Variants in CSMD3 observed in about 807,000 individuals in gnomAD.
The protein encoded by CSMD3 is CUB and sushi domain-containing protein 3.
A neutral mutation model predicts 435.2 loss-of-function variants in CSMD3; 177 were observed. That is an observed-to-expected ratio of 0.41 (90% CI 0.36 to 0.46). CSMD3 has a LOEUF of 0.46. CSMD3 is among the 20% of genes least tolerant of loss of function. The pLI, the probability that CSMD3 is intolerant of heterozygous loss-of-function variation, is 0.34. For missense variants in CSMD3, 4,265 were observed against 4,504.6 expected (o/e 0.95, Z 1.52); for synonymous variants, 1,656 against 1,520.5 (o/e 1.09, Z -2.07).
chr8:112,243,465 T>C (rs542107233), intron 65 of CSMD3, among the ~76,000 whole-genome samples: 1 of 152,226 alleles, frequency 6.6e-6, no homozygotes, highest in South Asian at 2.1e-4. Context: ...CTTTTCCAAA[T>C]GGAAATTGTC....
intron 32 of CSMD3, among the ~76,000 whole-genome samples, chr8:112,470,314 G>T (rs1818393012): frequency 6.6e-6 from 1 of 152,150 alleles, no homozygotes; most frequent in Non-Finnish European, 1.5e-5. Context: ...GGGGGTGGAA[G>T]AGGGGATAGG....
intron 7 of CSMD3, among the ~76,000 whole-genome samples, chr8:112,963,878 G>A (rs1564155380): frequency 6.6e-6 from 1 of 151,750 alleles, no homozygotes; most frequent in Non-Finnish European, 1.5e-5. Flanking sequence ...ATTAAACTAT[G>A]TATTTTTTCC....
chr8:112,671,612 C>T (rs1227131721), intron 16 of CSMD3, among the ~76,000 whole-genome samples: 2 of 152,112 alleles, frequency 1.3e-5, no homozygotes, highest in Non-Finnish European at 2.9e-5. Context: ...TTTTCTTTGA[C>T]ACACAGATGA....
At chr8:112,806,322 T>A (rs1213708280) in intron 12 of CSMD3, among the ~76,000 whole-genome samples, 1 of 152,188 alleles carries the variant, frequency 6.6e-6, no homozygotes, top group Non-Finnish European at 1.5e-5. Flanking sequence ...GAATTTTAAC[T>A]CAAAAGTTGG....
intron 32 of CSMD3, among the ~76,000 whole-genome samples, chr8:112,456,443 T>C (rs1156689774): frequency 1.3e-5 from 2 of 152,054 alleles, no homozygotes; most frequent in Non-Finnish European, 2.9e-5. Context: ...TTCTATGAAA[T>C]ACTATTAAGA....
chr8:113,154,560 C>T (rs2091895584), intron 4 of CSMD3, among the ~76,000 whole-genome samples: 1 of 151,952 alleles, frequency 6.6e-6, no homozygotes. Flanking sequence ...CAAAATCTTA[C>T]AGTAGAGCTG....
intron 10 of CSMD3, among the ~76,000 whole-genome samples, chr8:112,864,784 C>A (rs1369902321): frequency 6.6e-6 from 1 of 152,090 alleles, no homozygotes; most frequent in East Asian, 1.9e-4. Context: ...CATAAAAATG[C>A]TAACATCCTG....
chr8:112,414,128 G>T (rs1172008913), intron 32 of CSMD3, among the ~76,000 whole-genome samples: 3 of 152,030 alleles, frequency 2.0e-5, no homozygotes, highest in African/African-American at 7.2e-5. Context: ...TTTGAAGTTG[G>T]CTCAATCTCT....
At chr8:113,127,346 T>C (rs1175116393) in intron 4 of CSMD3, among the ~76,000 whole-genome samples, 1 of 152,010 alleles carries the variant, frequency 6.6e-6, no homozygotes, top group Non-Finnish European at 1.5e-5. Context: ...TTCTTCCACA[T>C]TCACCTCCTT....
intron 1 of CSMD3, among the ~76,000 whole-genome samples, chr8:113,327,398 T>TA (rs1563704374): frequency 6.6e-6 from 1 of 152,198 alleles, no homozygotes; most frequent in Non-Finnish European, 1.5e-5. Context: ...TTTCCAGAGC[T>TA]ATGGGATTTA....
rs79152912 is a variant in CSMD3, at chr8:112,987,590, C to T, written c.1031-11442G>A. 6.6e-5 allele frequency among the ~76,000 whole-genome samples: 10 copies of T among 152,184 alleles called. No homozygotes were observed. The East Asian group carries it at 1.7e-3, about 26-fold the overall frequency. ...CACTGAGTCACATAGCTATAACTGG[C>T]ACAGCTAAAAGATGGACCAAAATTG... On this transcript the variant is annotated intron_variant, in intron 6 of 70. Transcript: ENST00000297405.
intron 5 of CSMD3, among the ~76,000 whole-genome samples, chr8:113,064,233 T>C (rs112166097): frequency 7.2e-5 from 11 of 152,062 alleles, no homozygotes; most frequent in African/African-American, 2.2e-4. Context: ...TCAAACATTG[T>C]TGAGCACCTT....
intron 47 of CSMD3, 69 bp downstream of exon 47, chr8:112,318,768 C>T (rs1822712672): frequency 1.0e-6 from 1 of 993,250 alleles, no homozygotes; most frequent in Non-Finnish European, 1.6e-6. Context: ...TTTTCTCAAT[C>T]ATACCTATAT....
Position 112,315,485 on chromosome 8 carries a change from AT to A in CSMD3, c.7361-869del, listed in dbSNP as rs375390726. On this transcript the variant is annotated intron_variant, in intron 47 of 70. Transcript: ENST00000297405. ...TTATGCCATTTTAATCTCTTACAAA[AT>A]TTTTTTGAAGTTCTGTGATGTGGAA... Among the ~76,000 whole-genome samples the A allele has an allele frequency of 7.0e-4, 106 of 151,858 alleles. 2 individuals are homozygous for A. The East Asian group carries it at 0.017, about 24-fold the overall frequency.
chr8:112,775,816 T>TAG (rs1587257244), intron 13 of CSMD3, among the ~76,000 whole-genome samples: 1 of 151,920 alleles, frequency 6.6e-6, no homozygotes, highest in East Asian at 1.9e-4. Context: ...TTGCATAAAA[T>TAG]ATACATATTT....
chr8:113,232,288 T>C (rs895335921), intron 3 of CSMD3, among the ~76,000 whole-genome samples: 6 of 151,536 alleles, frequency 4.0e-5, no homozygotes, highest in African/African-American at 1.5e-4. Context: ...TTAGGAAAAA[T>C]AAGTTTTCAA....
intron 6 of CSMD3, among the ~76,000 whole-genome samples, chr8:113,010,524 A>G (rs2086219194): frequency 6.6e-6 from 1 of 151,730 alleles, no homozygotes. Context: ...TTTAGAAAAT[A>G]TTGTCCATAT....
At chr8:112,638,596 C>A in intron 21 of CSMD3, 100 bp downstream of exon 21, 1 of 760,118 alleles carries the variant, frequency 1.3e-6, no homozygotes, top group East Asian at 2.7e-5. Context: ...TTCTTCTCTC[C>A]AGCTATTTTT....
intron 13 of CSMD3, among the ~76,000 whole-genome samples, chr8:112,701,731 T>C (rs1458424137): frequency 1.3e-5 from 2 of 152,166 alleles, no homozygotes; most frequent in Non-Finnish European, 2.9e-5. Flanking sequence ...TCTCAGCCTT[T>C]CCTACCTCTC....
Sources: gnomAD v4.1 joint callset for allele counts (sites outside exome capture counted in the v4.1 genomes callset) on GRCh38, gnomAD v4.1.1 for gene constraint, MANE v1.5 for transcripts, NCBI Gene and HGNC (gene_info 2026-07-23, HGNC 2026-07-21) for gene names.